Variants in PPP2R5C observed in about 807,000 individuals in gnomAD.
PPP2R5C encodes the protein serine/threonine-protein phosphatase 2A 56 kDa regulatory subunit gamma isoform.
Under a neutral mutation model 68.9 loss-of-function variants are expected in PPP2R5C, and 7 were observed. The ratio of observed to expected loss-of-function variants is 0.10; its 90% confidence interval spans 0.06 to 0.19. The LOEUF is 0.19. Among genes scored for constraint, PPP2R5C ranks in the 10% least tolerant of loss-of-function variants. The probability of loss-of-function intolerance (pLI) is 1.00; values close to 1 mark genes in which losing one functional copy is unlikely to be tolerated. For synonymous variants in PPP2R5C, 210 were observed against 222.2 expected (o/e 0.95, Z 0.49); for missense variants, 348 against 641.3 (o/e 0.54, Z 4.94).
chr14:101,907,678 T>C (rs1423351543), intron 10 of PPP2R5C, among the ~76,000 whole-genome samples: 1 of 152,220 alleles, frequency 6.6e-6, no homozygotes, highest in Non-Finnish European at 1.5e-5. Context: ...CAGCCCAGTC[T>C]GCGGTCCCAA....
intron 7 of PPP2R5C, among the ~76,000 whole-genome samples, chr14:101,893,915 T>G (rs538888954): frequency 6.3e-4 from 96 of 152,348 alleles, no homozygotes; most frequent in Admixed American, 1.2e-3. Flanking sequence ...TTTGTTCACT[T>G]CCGGCTGTCA....
intron 13 of PPP2R5C, among the ~76,000 whole-genome samples, chr14:101,923,058 G>A (rs1247620157): frequency 3.3e-5 from 5 of 152,088 alleles, no homozygotes; most frequent in South Asian, 2.1e-4. Context: ...CCTGTGGTCC[G>A]CTCCGCCCCT....
chr14:101,777,297 A>C (rs1169980304), intron 2 of PPP2R5C, among the ~76,000 whole-genome samples: 3 of 151,962 alleles, frequency 2.0e-5, no homozygotes, highest in African/African-American at 7.3e-5. Flanking sequence ...ACTTGTTTTC[A>C]GTTCTTTTGG....
chr14:101,837,231 C>T (rs1305673795), intron 1 of PPP2R5C, among the ~76,000 whole-genome samples: 2 of 152,134 alleles, frequency 1.3e-5, no homozygotes, highest in Non-Finnish European at 2.9e-5. Context: ...GCAACCTCCG[C>T]CCCTTGGGTT....
In PPP2R5C at chr14:101,794,898, G is replaced by A. The variant is rs181088594; in HGVS notation, c.259+8715G>A. Among the ~76,000 whole-genome samples the A allele has an allele frequency of 2.0e-5, 3 of 152,212 alleles. No homozygotes were observed. In the East Asian group the frequency reaches 5.8e-4, roughly 29 times the overall value. On this transcript the variant is annotated intron_variant, in intron 3 of 14. Transcript: ENST00000328724. Reference sequence around the variant, plus strand: ...TCAGTTGATTCTTTTGAATATTCAGGTATTAATTAGAGCATCTGCACATAA... The same window carrying A: ...TCAGTTGATTCTTTTGAATATTCAGATATTAATTAGAGCATCTGCACATAA...
intron 2 of PPP2R5C, among the ~76,000 whole-genome samples, chr14:101,785,658 CCA>C (rs2038057863): frequency 3.3e-5 from 5 of 152,170 alleles, no homozygotes; most frequent in Non-Finnish European, 7.3e-5. Flanking sequence ...TAACTGAATC[CCA>C]TCTGCAGAGT....
At chr14:101,788,369 T>C (rs538715660) in intron 3 of PPP2R5C, among the ~76,000 whole-genome samples, 2 of 152,362 alleles carry the variant, frequency 1.3e-5, no homozygotes, top group Admixed American at 1.3e-4. Flanking sequence ...TTTTGAACCA[T>C]CTTTGCATTT....
intron 3 of PPP2R5C, among the ~76,000 whole-genome samples, chr14:101,790,729 G>C (rs1377802623): frequency 1.3e-5 from 2 of 152,202 alleles, no homozygotes; most frequent in Non-Finnish European, 2.9e-5. Flanking sequence ...CATTTCTCTT[G>C]AGTAGATACC....
intron 3 of PPP2R5C, among the ~76,000 whole-genome samples, chr14:101,794,099 T>C (rs943324748): frequency 7.2e-5 from 11 of 152,216 alleles, no homozygotes; most frequent in Non-Finnish European, 1.3e-4. Flanking sequence ...GAAACAGGAA[T>C]GCATGTTCTC....
At chr14:101,840,264 A>G (rs1245865714) in intron 1 of PPP2R5C, among the ~76,000 whole-genome samples, 1 of 151,922 alleles carries the variant, frequency 6.6e-6, no homozygotes, top group African/African-American at 2.4e-5. Context: ...TGCTGCTGGC[A>G]CTCAAGTTCC....
chr14:101,819,396 C>G (rs1413744299), intron 1 of PPP2R5C: 2 of 283,936 alleles, frequency 7.0e-6, no homozygotes, highest in Non-Finnish European at 1.4e-5. Flanking sequence ...GACGTTTGCC[C>G]TGGTGGTGCA....
At chr14:101,863,051 T>C (rs2042848937) in intron 2 of PPP2R5C, among the ~76,000 whole-genome samples, 1 of 152,156 alleles carries the variant, frequency 6.6e-6, no homozygotes, top group Non-Finnish European at 1.5e-5. Context: ...CTCATGCCTG[T>C]AATCCCAACA....
At position 101,868,655 on chromosome 14, in the gene PPP2R5C, A is replaced by C. The variant is rs948445649; in HGVS notation, c.294+11770A>C. 5.3e-5 allele frequency among the ~76,000 whole-genome samples: 8 copies of C among 152,200 alleles called. No individual in the cohort carries two copies. In the East Asian group the frequency reaches 1.5e-3, roughly 29 times the overall value. ...TAAAGCTGGGTGTTTTCAGATGTCC[A>C]AACTTGTTAGGTATTTCTTTTGGTC... On this transcript the variant is annotated intron_variant, in intron 2 of 13. Coordinates refer to ENST00000334743, the Ensembl canonical transcript of PPP2R5C.
intron 2 of PPP2R5C, among the ~76,000 whole-genome samples, chr14:101,861,208 G>A (rs1234763699): frequency 1.3e-5 from 2 of 152,178 alleles, no homozygotes; most frequent in African/African-American, 4.8e-5. Context: ...TTCAAAATCT[G>A]AAACTTTGAC....
Position 101,917,777 on chromosome 14 carries a change from T to G in PPP2R5C, c.1327-54T>G. 1 of 1,607,428 alleles carries G rather than the reference T, an allele frequency of 6.2e-7. No homozygotes were observed. The highest frequency in any genetic ancestry group is 1.3e-5 in the African/African-American group (1 of 74,848). Reference sequence around the variant, plus strand: ...TGAGTCCCTAGCCAGGATGAGAAGCTTGGAGTTCAGAGCCTGGGCACCTAA... The same window carrying G: ...TGAGTCCCTAGCCAGGATGAGAAGCGTGGAGTTCAGAGCCTGGGCACCTAA... On this transcript the variant is annotated intron_variant, in intron 12 of 13. Coordinates refer to ENST00000334743, the Ensembl canonical transcript of PPP2R5C. This position sits in a 1 kb window ranked among gnomAD's most constrained non-coding sequence, Gnocchi z 4.4.
At chr14:101,865,706 G>A (rs919021148) in intron 2 of PPP2R5C, among the ~76,000 whole-genome samples, 1 of 152,172 alleles carries the variant, frequency 6.6e-6, no homozygotes, top group African/African-American at 2.4e-5. Flanking sequence ...GAGCAGCTAG[G>A]ATGAAAGGGG....
Position 101,893,112 on chromosome 14 carries a change from A to AG in PPP2R5C, c.798+8dup, listed in dbSNP as rs1163009195. The stretch of plus-strand genomic sequence containing the variant: ...TCTGAGTGTCTACCATCCCCAGGTA[A>AG]GGGGCAGCAGGACTCTAGGAACACA... On this transcript the variant is annotated splice_donor_region_variant and intron_variant, in intron 7 of 13. Transcript: ENST00000334743. 1 of 1,560,026 alleles carries AG rather than the reference A, an allele frequency of 6.4e-7. No individual in the cohort carries two copies. The highest frequency in any genetic ancestry group is 2.2e-5 in the East Asian group (1 of 44,650).
At chr14:101,893,686 G>T (rs1245457257) in intron 7 of PPP2R5C, among the ~76,000 whole-genome samples, 1 of 152,174 alleles carries the variant, frequency 6.6e-6, no homozygotes, top group Non-Finnish European at 1.5e-5. Flanking sequence ...GGAGGCGGAG[G>T]TTGCAGTGAG....
intron 2 of PPP2R5C, among the ~76,000 whole-genome samples, chr14:101,864,682 T>A (rs1214416278): frequency 6.6e-6 from 1 of 151,692 alleles, no homozygotes; most frequent in East Asian, 1.9e-4. Context: ...GAGGGGAGTG[T>A]TCCCAGCAGA....
Sources: gnomAD v4.1 joint callset for allele counts (sites outside exome capture counted in the v4.1 genomes callset) on GRCh38, gnomAD v4.1.1 for gene constraint, Gnocchi (gnomAD v3.1) non-coding constraint, MANE v1.5 for transcripts, NCBI Gene and HGNC (gene_info 2026-07-23, HGNC 2026-07-21) for gene names.